The following SPAG16 variants were observed in gnomAD, a reference collection of about 807,000 sequenced individuals.
SPAG16 encodes the protein sperm-associated antigen 16 protein.
SPAG16 carries 86 observed loss-of-function variants against 80.4 expected under a neutral mutation model. That is an observed-to-expected ratio of 1.07 (90% CI 0.90 to 1.28). The LOEUF (loss-of-function observed/expected upper bound fraction) is 1.28, where lower values mean the gene tolerates loss of function less well. Among genes scored for constraint, SPAG16 ranks in the 50% most tolerant of loss-of-function variants. The pLI, the probability that SPAG16 is intolerant of heterozygous loss-of-function variation, is 0.00. For missense variants in SPAG16, 870 were observed against 765.3 expected, an observed-to-expected ratio of 1.14 and a Z score of -1.61; for synonymous variants, 294 against 265.9, an observed-to-expected ratio of 1.11 and a Z score of -1.03.
At position 213,380,299 on chromosome 2, in the gene SPAG16, C is replaced by T. The variant is rs147649225; in HGVS notation, c.942+5180C>T. On this transcript the variant is annotated intron_variant, in intron 9 of 15. Transcript: ENST00000331683. ...CTGTGGTGCTGTAGCTGTCAACTTT[C>T]GGATGGTGCCTGCATATTGTGCAGA... 1.1e-4 allele frequency among the ~76,000 whole-genome samples: 17 copies of T among 152,288 alleles called. No individual in the cohort carries two copies. The East Asian group carries it at 2.9e-3, about 26-fold the overall frequency.
chr2:213,893,581 G>A (rs2076873445), intron 11 of SPAG16, among the ~76,000 whole-genome samples: 1 of 152,118 alleles, frequency 6.6e-6, no homozygotes, highest in African/African-American at 2.4e-5. Flanking sequence ...GTATGTGTGT[G>A]TTGTGGGGAT....
chr2:214,187,943 G>A (rs773317519), intron 15 of SPAG16, among the ~76,000 whole-genome samples: 8 of 152,054 alleles, frequency 5.3e-5, no homozygotes, highest in Non-Finnish European at 8.8e-5. Flanking sequence ...CTATTTAAGC[G>A]ATTTTTGTAT....
At chr2:213,635,304 G>A (rs143417652) in intron 10 of SPAG16, among the ~76,000 whole-genome samples, 9 of 152,154 alleles carry the variant, frequency 5.9e-5, no homozygotes, top group South Asian at 2.1e-4. Context: ...CAAAGTGCTC[G>A]GATTACAGGC....
At chr2:214,149,387 A>G in intron 15 of SPAG16, 121 bp downstream of exon 15, 1 of 807,906 alleles carries the variant, frequency 1.2e-6, no homozygotes, top group Non-Finnish European at 1.7e-6. Context: ...TTAATATTAC[A>G]TTATATTACA....
chr2:213,702,438 C>A (rs769114992), intron 10 of SPAG16, among the ~76,000 whole-genome samples: 1 of 152,162 alleles, frequency 6.6e-6, no homozygotes, highest in Non-Finnish European at 1.5e-5. Flanking sequence ...AGGTCTGCAC[C>A]TTCACTTCTG....
At chr2:214,104,006 G>T (rs571441660) in intron 13 of SPAG16, among the ~76,000 whole-genome samples, 2 of 152,116 alleles carry the variant, frequency 1.3e-5, no homozygotes, top group South Asian at 4.2e-4. Flanking sequence ...AGAAACCTTT[G>T]CTCTGAAATC....
chr2:214,390,898 T>G (rs1338257988), intron 15 of SPAG16, among the ~76,000 whole-genome samples: 1 of 152,132 alleles, frequency 6.6e-6, no homozygotes, highest in Non-Finnish European at 1.5e-5. Flanking sequence ...AAGGAGATTT[T>G]CATGAGAAAG....
intron 15 of SPAG16, among the ~76,000 whole-genome samples, chr2:214,251,843 A>G (rs904563054): frequency 7.9e-5 from 12 of 152,154 alleles, no homozygotes; most frequent in African/African-American, 2.9e-4. Context: ...GTAGGGTCTA[A>G]GTAGCCAAGG....
At chr2:213,893,974 A>G (rs2076892010) in intron 11 of SPAG16, among the ~76,000 whole-genome samples, 1 of 152,140 alleles carries the variant, frequency 6.6e-6, no homozygotes, top group Non-Finnish European at 1.5e-5. Context: ...GAGTAAAGAA[A>G]CAAGACTTTA....
At chr2:213,598,299 G>A (rs2060948470) in intron 10 of SPAG16, among the ~76,000 whole-genome samples, 1 of 152,076 alleles carries the variant, frequency 6.6e-6, no homozygotes, top group Non-Finnish European at 1.5e-5. Flanking sequence ...TTCTCCCTTG[G>A]CCTCTATAGG....
intron 10 of SPAG16, among the ~76,000 whole-genome samples, chr2:213,753,328 T>A (rs1285957690): frequency 6.6e-6 from 1 of 152,142 alleles, no homozygotes; most frequent in African/African-American, 2.4e-5. Context: ...TTCAATCTTA[T>A]GCTATTTATC....
chr2:213,609,094 G>T (rs2061360442), intron 10 of SPAG16, among the ~76,000 whole-genome samples: 1 of 152,190 alleles, frequency 6.6e-6, no homozygotes, highest in Admixed American at 6.5e-5. Flanking sequence ...AGAAATTATT[G>T]TAAAACTGGT....
intron 11 of SPAG16, 144 bp from the exon 12 acceptor site, chr2:213,929,816 T>C: frequency 1.5e-6 from 1 of 649,876 alleles, no homozygotes; most frequent in Non-Finnish European, 2.5e-6. Flanking sequence ...AATAAGATAA[T>C]AATATTTAGT....
chr2:214,251,459 G>A (rs1690287151), intron 15 of SPAG16, among the ~76,000 whole-genome samples: 1 of 151,942 alleles, frequency 6.6e-6, no homozygotes, highest in Non-Finnish European at 1.5e-5. Flanking sequence ...CTTAATAACT[G>A]AGTACTAGTA....
intron 14 of SPAG16, among the ~76,000 whole-genome samples, chr2:214,132,191 T>C (rs1392459961): frequency 6.6e-6 from 1 of 152,212 alleles, no homozygotes; most frequent in Non-Finnish European, 1.5e-5. Flanking sequence ...AAGTTTTGCT[T>C]TGACTTTCCA....
At chr2:214,058,384 A>C (rs2050054500) in intron 13 of SPAG16, among the ~76,000 whole-genome samples, 1 of 152,188 alleles carries the variant, frequency 6.6e-6, no homozygotes, top group Non-Finnish European at 1.5e-5. Context: ...TGGCTGTTCC[A>C]TGGAGCAAGC....
chr2:214,328,363 C>T (rs1394111294), intron 15 of SPAG16, among the ~76,000 whole-genome samples: 2 of 152,086 alleles, frequency 1.3e-5, no homozygotes, highest in African/African-American at 2.4e-5. Flanking sequence ...GGGTTTCGCT[C>T]TGTTGGCCAG....
chr2:213,760,400 A>G (rs987887735), intron 10 of SPAG16, among the ~76,000 whole-genome samples: 27 of 152,212 alleles, frequency 1.8e-4, no homozygotes, highest in Admixed American at 1.1e-3. Context: ...TTATGAACCT[A>G]GTAACAGATC....
intron 10 of SPAG16, among the ~76,000 whole-genome samples, chr2:213,742,527 C>T (rs1403781063): frequency 6.7e-6 from 1 of 149,610 alleles, no homozygotes; most frequent in African/African-American, 2.4e-5. Flanking sequence ...TTGATCCCTC[C>T]TGTCTTATTT....
Sources: allele counts gnomAD v4.1 joint callset (sites outside exome capture counted in the v4.1 genomes callset), GRCh38; gene constraint gnomAD v4.1.1; transcripts MANE v1.5; gene names NCBI Gene and HGNC (gene_info 2026-07-23, HGNC 2026-07-21).